The following NEK10 variants were observed in gnomAD, a reference collection of about 807,000 sequenced individuals.
NEK10 encodes serine/threonine-protein kinase Nek10.
Under a neutral mutation model 159.8 loss-of-function variants are expected in NEK10, and 122 were observed. The ratio of observed to expected loss-of-function variants is 0.76; its 90% CI spans 0.66 to 0.89. The LOEUF is 0.89. NEK10 is among the 40% of genes least tolerant of loss of function. NEK10 has a pLI of 0.00. For missense variants in NEK10, 1,342 were observed against 1,323.1 expected, an observed-to-expected ratio of 1.01 and a Z score of -0.22; for synonymous variants, 466 against 457.1, an observed-to-expected ratio of 1.02 and a Z score of -0.25.
At chr3:27,173,552 C>A (rs1182016379) in intron 28 of NEK10, among the ~76,000 whole-genome samples, 4 of 152,162 alleles carry the variant, frequency 2.6e-5, no homozygotes, top group Admixed American at 1.3e-4. Flanking sequence ...ATCTAATCAT[C>A]ATTTCGATGG....
intron 30 of NEK10, among the ~76,000 whole-genome samples, chr3:27,147,830 G>A (rs961985948): frequency 8.5e-5 from 13 of 152,120 alleles, no homozygotes; most frequent in Admixed American, 2.6e-4. Context: ...CCAGTCTTAC[G>A]CTTAATTTAG....
chr3:27,212,007 A>G (rs531379724), intron 23 of NEK10, among the ~76,000 whole-genome samples: 14 of 152,216 alleles, frequency 9.2e-5, no homozygotes, highest in Non-Finnish European at 1.8e-4. Flanking sequence ...TGTAATATCT[A>G]TTCCTGTTCC....
At chr3:27,215,754 C>A (rs1490058068) in intron 23 of NEK10, 1 of 713,510 alleles carries the variant, frequency 1.4e-6, no homozygotes, top group South Asian at 1.5e-5. Flanking sequence ...TGTACAGGAA[C>A]CATGATGGCA....
Position 27,293,221 on chromosome 3 carries a change from G to A in NEK10, c.1373+367C>T, listed in dbSNP as rs184509556. 5.3e-5 allele frequency among the ~76,000 whole-genome samples: 8 copies of A among 152,228 alleles called. No homozygotes were observed. In the East Asian group the frequency reaches 5.8e-4, roughly 11 times the overall value. ...CCCTTTGATTAAAGTGAAATTACCC[G>A]ATTGACTTTCAAATTTCTAGCTGGA... On this transcript the variant is annotated intron_variant, in intron 16 of 35. Coordinates refer to ENST00000691995, the MANE Select transcript of NEK10 (RefSeq NM_001394966.1).
chr3:27,258,721 TG>T (rs2040117118), intron 22 of NEK10, among the ~76,000 whole-genome samples: 1 of 152,222 alleles, frequency 6.6e-6, no homozygotes, highest in South Asian at 2.1e-4. Context: ...TATAATTCTT[TG>T]GGTACATACC....
chr3:27,339,874 T>C (rs914277268), intron 5 of NEK10, among the ~76,000 whole-genome samples: 3 of 150,424 alleles, frequency 2.0e-5, no homozygotes, highest in Admixed American at 6.6e-5. Flanking sequence ...GCTGGCGAGG[T>C]TGTGGAGAAA....
At chr3:27,364,423 T>C (rs1387099921) in intron 1 of NEK10, among the ~76,000 whole-genome samples, 9 of 150,420 alleles carry the variant, frequency 6.0e-5, no homozygotes, top group Admixed American at 1.3e-4. Flanking sequence ...AGACGGGGTT[T>C]CACCATGTTG....
intron 26 of NEK10, among the ~76,000 whole-genome samples, chr3:27,181,187 C>G (rs1265596060): frequency 1.3e-5 from 2 of 152,090 alleles, no homozygotes; most frequent in African/African-American, 4.8e-5. Flanking sequence ...CTATGTATAA[C>G]TTTTAACTTT....
At chr3:27,298,988 C>A (rs2043588314) in intron 13 of NEK10, among the ~76,000 whole-genome samples, 1 of 152,098 alleles carries the variant, frequency 6.6e-6, no homozygotes, top group Admixed American at 6.6e-5. Flanking sequence ...TGCCATCTGA[C>A]AATGCAATAG....
chr3:27,192,054 T>A lies in NEK10; in HGVS notation c.2480A>T (p.His827Leu). The change falls in exon 26 of 36, where the codon CAC becomes CTC. Residue 827 changes from histidine to leucine, a missense_variant. Physicochemically the swap from His to Leu is moderately conservative, Grantham distance 99 (BLOSUM62 -3). Transcript: ENST00000691995. ...GTGAGATAGAACAGCCAGCTCATGG[T>A]GACATGTGACGGTGTTCCGGTTGGC... ...MEANRNTVTC[H>L]HELAVLSHET... The A allele has an allele frequency of 6.2e-7, 1 of 1,614,198 alleles. No individual in the cohort carries two copies. The highest frequency in any genetic ancestry group is 1.3e-5 in the African/African-American group (1 of 75,042).
intron 22 of NEK10, among the ~76,000 whole-genome samples, chr3:27,263,076 G>T (rs937072812): frequency 2.0e-5 from 3 of 152,214 alleles, no homozygotes; most frequent in Non-Finnish European, 4.4e-5. Flanking sequence ...GTTTGCTGGA[G>T]GTCTACTCCA....
intron 22 of NEK10, among the ~76,000 whole-genome samples, 155 bp from the exon 23 acceptor site, chr3:27,256,526 A>C (rs1369148292): frequency 6.6e-6 from 1 of 152,226 alleles, no homozygotes. Flanking sequence ...GAGGTTTATC[A>C]TTTTAAAAAA....
chr3:27,321,871 A>C (rs778075264), intron 6 of NEK10, among the ~76,000 whole-genome samples: 6 of 152,216 alleles, frequency 3.9e-5, no homozygotes, highest in Non-Finnish European at 5.9e-5. Context: ...GATGTGGCCA[A>C]GTGTATACCT....
At position 27,136,101 on chromosome 3, in the gene NEK10, C is replaced by A. The variant is rs993537884; in HGVS notation, c.2971-4111G>T. On this transcript the variant is annotated intron_variant, in intron 31 of 35. Transcript: ENST00000691995. ...ATGGCTTGCCTGTTCTCTAGGAGAT[C>A]GATTTTTTTTTTTTTTTTTTTTTTT... 1.0e-4 allele frequency among the ~76,000 whole-genome samples: 13 copies of A among 128,210 alleles called. No individual in the cohort carries two copies. The East Asian group carries it at 2.7e-3, about 27-fold the overall frequency. The allele number at this position is 128,210 out of a possible 152,430, so 84.1% of individuals were successfully genotyped here.
intron 23 of NEK10, among the ~76,000 whole-genome samples, chr3:27,208,839 T>G (rs947223996): frequency 3.9e-5 from 6 of 152,218 alleles, no homozygotes; most frequent in Admixed American, 2.0e-4. Context: ...TCAGAGCATG[T>G]GCTGTCTATA....
rs1243548754 is a variant in NEK10 at position 27,174,451 on chromosome 3, C to T, written c.2764G>A (p.Glu922Lys). 6.2e-7 allele frequency: 1 copy of T among 1,611,094 alleles called. No individual in the cohort carries two copies. Among genetic ancestry groups the T allele is most frequent in the Non-Finnish European group, 8.5e-7 (1 of 1,179,622 alleles). Residue 922 changes from glutamate to lysine, a missense_variant, in exon 28 of 36, where the codon GAA (glutamate) becomes AAA (lysine). Coordinates refer to ENST00000691995, the MANE Select transcript of NEK10 (RefSeq NM_001394966.1). ...ACAGAAAGCTTACTGAATGTAGATT[C>T]TTTCAGAGGGCTTGAACTGGAGCTG... ...SSSSSSSPLK[E>K]STFNILKRSF...
chr3:27,275,915 G>A (rs2041737505), intron 22 of NEK10, among the ~76,000 whole-genome samples: 1 of 152,076 alleles, frequency 6.6e-6, no homozygotes, highest in Admixed American at 6.5e-5. Flanking sequence ...TTTTCTTTGA[G>A]TTACTGTTTG....
rs964072263 is a variant in NEK10 at position 27,109,417 on chromosome 3, T to C, written c.*1855A>G. ...AAAAAAAAGAGTTAGATGGAAACAT[T>C]TTGCTCACTTTCTGGTCAATAAGGC... On this transcript the variant is annotated 3_prime_UTR_variant, in exon 36 of 36. Transcript: ENST00000691995. 2.6e-5 allele frequency among the ~76,000 whole-genome samples: 4 copies of C among 151,882 alleles called. No individual in the cohort carries two copies. The highest frequency in any genetic ancestry group is 2.6e-4 in the Admixed American group (4 of 15,238).
intron 4 of NEK10, among the ~76,000 whole-genome samples, chr3:27,345,304 AC>A (rs2047476432): frequency 1.3e-5 from 2 of 152,180 alleles, no homozygotes; most frequent in African/African-American, 4.8e-5. Flanking sequence ...ACTGGTACTC[AC>A]TATATGACAA....
Sources: allele counts gnomAD v4.1 joint callset (sites outside exome capture counted in the v4.1 genomes callset), GRCh38; gene constraint gnomAD v4.1.1; transcripts MANE v1.5; gene names NCBI Gene and HGNC (gene_info 2026-07-23, HGNC 2026-07-21).